Variants in MAL2 observed in about 807,000 individuals in gnomAD.
MAL2 encodes the protein protein MAL2.
A neutral mutation model predicts 18.1 loss-of-function variants in MAL2; 17 were observed. The observed-to-expected ratio is 0.94, with a 90% CI of 0.64 to 1.41. MAL2 has a LOEUF of 1.41. Ranked by LOEUF, MAL2 falls within the 40% of genes most tolerant of loss-of-function variation. The pLI, the probability that MAL2 is intolerant of heterozygous loss-of-function variation, is 0.00. For missense variants in MAL2, 222 were observed against 231.9 expected (o/e 0.96, Z 0.28); for synonymous variants, 102 against 102.3 (o/e 1.00, Z 0.02).
At chr8:119,223,831 T>A (rs897279622) in intron 2 of MAL2, 1 of 152,174 alleles carries the variant, frequency 6.6e-6, no homozygotes, top group Non-Finnish European at 1.5e-5. Flanking sequence ...TTCAGTCATT[T>A]TTTATTGCAT....
chr8:119,217,035 C>A (rs1817368209), intron 1 of MAL2, among the ~76,000 whole-genome samples: 3 of 152,246 alleles, frequency 2.0e-5, no homozygotes, highest in African/African-American at 7.2e-5. Context: ...ATCTGTAATT[C>A]ATGCACCCAG....
At chr8:119,215,996 T>C (rs1391984057) in intron 1 of MAL2, among the ~76,000 whole-genome samples, 1 of 151,974 alleles carries the variant, frequency 6.6e-6, no homozygotes, top group Non-Finnish European at 1.5e-5. Context: ...TAATTGTAGA[T>C]AATCTTTTTT....
At chr8:119,237,007 G>A (rs887448657) in intron 2 of MAL2, among the ~76,000 whole-genome samples, 5 of 151,600 alleles carry the variant, frequency 3.3e-5, no homozygotes, top group African/African-American at 1.2e-4. Flanking sequence ...TCCAGGAGCT[G>A]GATTTTTGAA....
intron 2 of MAL2, among the ~76,000 whole-genome samples, chr8:119,230,642 G>A (rs975234159): frequency 8.5e-5 from 13 of 152,140 alleles, no homozygotes; most frequent in Admixed American, 8.5e-4. Context: ...TGCAGGTCCT[G>A]TCACCAAATC....
At chr8:119,222,978 G>A (rs1369141978) in intron 2 of MAL2, among the ~76,000 whole-genome samples, 1 of 152,134 alleles carries the variant, frequency 6.6e-6, no homozygotes, top group Non-Finnish European at 1.5e-5. Flanking sequence ...TGACTCAGAG[G>A]ATCACAGTGC....
rs867963726 is a variant in MAL2, at chr8:119,208,431, G to A, written c.-42G>A. 1.1e-4 allele frequency: 118 copies of A among 1,093,738 alleles called. No individual in the cohort carries two copies. The Middle Eastern group carries it at 1.9e-3, about 18-fold the overall frequency. The allele number at this position is 1,093,738 out of a possible 1,614,324, so 67.8% of individuals were successfully genotyped here. On this transcript the variant is annotated 5_prime_UTR_variant, in exon 1 of 4. Coordinates refer to ENST00000614891, the MANE Select transcript of MAL2 (RefSeq NM_052886.3). This position sits in a 1 kb window ranked among gnomAD's most constrained non-coding sequence, Gnocchi z 4.3. ...AGGAGCCCGGGAGGCGGAGGCGGGA[G>A]GCGGCGGCGGCGCGCGGAGACGCAG...
intron 2 of MAL2, among the ~76,000 whole-genome samples, chr8:119,233,264 T>G (rs1415907367): frequency 6.6e-6 from 1 of 151,876 alleles, no homozygotes. Flanking sequence ...TTAAAAGAAC[T>G]AGAAAAGCAA....
rs1264721985 is a variant in MAL2, at chr8:119,208,647, A to G, written c.132+43A>G. On this transcript the variant is annotated intron_variant, in intron 1 of 3. Coordinates refer to ENST00000614891, the MANE Select transcript of MAL2 (RefSeq NM_052886.3). This position sits in a 1 kb window ranked among gnomAD's most constrained non-coding sequence, Gnocchi z 4.3. ...AGCGAGGGTCGCGCGGGGAGCGAGG[A>G]CAGGCGGCGGCATCCTTGTCCCCCG... The G allele has an allele frequency of 1.6e-6, 2 of 1,269,572 alleles. No homozygotes were observed. Among genetic ancestry groups the G allele is most frequent in the South Asian group, 5.4e-5 (2 of 36,884 alleles). The allele number at this position is 1,269,572 out of a possible 1,614,324, so 78.6% of individuals were successfully genotyped here. A position where few individuals can be genotyped will look rare whatever the true frequency, so the allele number is the denominator to read the frequency against.
At chr8:119,231,917 A>ATGGGGGACTGGGGAAATGT (rs914304872) in intron 2 of MAL2, among the ~76,000 whole-genome samples, 2 of 152,164 alleles carry the variant, frequency 1.3e-5, no homozygotes, top group Non-Finnish European at 2.9e-5. Flanking sequence ...GTATGGGGTG[A>ATGGGGGACTGGGGAAATGT]TGGGGGACTG....
chr8:119,230,901 T>C (rs1421352356), intron 2 of MAL2, among the ~76,000 whole-genome samples: 1 of 152,246 alleles, frequency 6.6e-6, no homozygotes, highest in African/African-American at 2.4e-5. Context: ...TTCTTAAATC[T>C]TTTGAAGGCA....
chr8:119,218,577 T>C (rs572346823), intron 1 of MAL2, among the ~76,000 whole-genome samples: 1 of 152,316 alleles, frequency 6.6e-6, no homozygotes, highest in South Asian at 2.1e-4. Context: ...TGAATCAGTT[T>C]AATAGTGTCT....
In MAL2 at chr8:119,237,326, C is replaced by A. The variant is rs935515354; in HGVS notation, c.304-2839C>A. On this transcript the variant is annotated intron_variant, in intron 2 of 3. Transcript: ENST00000614891. Reference sequence around the variant, plus strand: ...TTACCAACCAAAAAGAGTCCAGGACCAGATGGATTCACAGCTGAATTCTAC... The same window carrying A: ...TTACCAACCAAAAAGAGTCCAGGACAAGATGGATTCACAGCTGAATTCTAC... Among the ~76,000 whole-genome samples the A allele has an allele frequency of 7.3e-5, 11 of 151,536 alleles. No homozygotes were observed. The East Asian group carries it at 1.9e-3, about 27-fold the overall frequency.
Position 119,240,156 on chromosome 8 carries a change from C to T in MAL2, c.304-9C>T. On this transcript the variant is annotated splice_polypyrimidine_tract_variant and intron_variant, in intron 2 of 3. Transcript: ENST00000614891. Reference sequence around the variant, plus strand: ...TTTAATTGCAGATGTCTTTTCTCTCCTCTTTTAGGATTTTGCCTACCATTT... The same window carrying T: ...TTTAATTGCAGATGTCTTTTCTCTCTTCTTTTAGGATTTTGCCTACCATTT... 2 of 1,610,386 alleles carry T rather than the reference C, an allele frequency of 1.2e-6. No homozygotes were observed. Among genetic ancestry groups the T allele is most frequent in the Admixed American group, 3.3e-5 (2 of 59,722 alleles).
intron 2 of MAL2, chr8:119,224,238 C>T: frequency 6.6e-6 from 1 of 152,060 alleles, no homozygotes; most frequent in East Asian, 1.9e-4. Context: ...ATATAAAGTA[C>T]TAAATACTTG....
Position 119,221,577 on chromosome 8 carries a change from T to C in MAL2, c.133-10T>C. The C allele has an allele frequency of 6.2e-7, 1 of 1,613,302 alleles. No homozygotes were observed. The highest frequency in any genetic ancestry group is 8.5e-7 in the Non-Finnish European group (1 of 1,179,620). On this transcript the variant is annotated splice_polypyrimidine_tract_variant and intron_variant, in intron 1 of 3. Coordinates refer to ENST00000614891, the MANE Select transcript of MAL2 (RefSeq NM_052886.3). ...TTAAGCAAACCAATTACCCTCTTTT[T>C]CTCTTTCAGCTGTTCGGGGGTCTTG... is the stretch of plus-strand genomic sequence containing the variant.
chr8:119,216,650 T>A (rs1428188687), intron 1 of MAL2, among the ~76,000 whole-genome samples: 1 of 152,188 alleles, frequency 6.6e-6, no homozygotes, highest in East Asian at 1.9e-4. Flanking sequence ...GTGTTCATTC[T>A]CACTGCAGTA....
chr8:119,234,261 A>T (rs1817817778), intron 2 of MAL2, among the ~76,000 whole-genome samples: 1 of 151,994 alleles, frequency 6.6e-6, no homozygotes, highest in South Asian at 2.1e-4. Flanking sequence ...CGGCTTAAAA[A>T]ACGGCGCACC....
rs927820441 is a variant in MAL2 at position 119,244,260 on chromosome 8, T to G, written c.*772T>G. 3 of 152,186 alleles carry G rather than the reference T, an allele frequency of 2.0e-5. No homozygotes were observed. The highest frequency in any genetic ancestry group is 7.2e-5 in the African/African-American group (3 of 41,458). The allele number at this position is 152,186 out of a possible 1,614,324, so 9.4% of individuals were successfully genotyped here. A position where few individuals can be genotyped will look rare whatever the true frequency, so the allele number is the denominator to read the frequency against. ...TGCAATAATCACATTGCCTTTGTGTTAATAGTCAAATACTTACCTTTGGAG... is the reference window on the plus strand; with the variant it reads ...TGCAATAATCACATTGCCTTTGTGTGAATAGTCAAATACTTACCTTTGGAG... On this transcript the variant is annotated 3_prime_UTR_variant, in exon 4 of 4. Coordinates refer to ENST00000614891, the MANE Select transcript of MAL2 (RefSeq NM_052886.3).
intron 1 of MAL2, among the ~76,000 whole-genome samples, chr8:119,219,083 TTTTTC>T (rs1817413169): frequency 6.6e-6 from 1 of 152,158 alleles, no homozygotes; most frequent in African/African-American, 2.4e-5. Flanking sequence ...AGGAACAAGT[TTTTTC>T]TTTTATAGGC....
Sources: allele counts gnomAD v4.1 joint callset (sites outside exome capture counted in the v4.1 genomes callset), GRCh38; gene constraint gnomAD v4.1.1; non-coding constraint Gnocchi (gnomAD v3.1); transcripts MANE v1.5; gene names NCBI Gene and HGNC (gene_info 2026-07-23, HGNC 2026-07-21).